CRTC1: variants seen among roughly 807,000 people sequenced by gnomAD.
CRTC1 encodes the protein CREB regulated transcription coactivator 1, also known as CREB-regulated transcription coactivator 1.
In CRTC1, 18 loss-of-function variants were observed where a neutral mutation model predicts 66.1. The ratio of observed to expected loss-of-function variants is 0.27; its 90% CI spans 0.19 to 0.40. The LOEUF (loss-of-function observed/expected upper bound fraction) is 0.40, where lower values mean the gene tolerates loss of function less well. CRTC1 is among the 10% of genes least tolerant of loss of function. The pLI is 1.00. For missense variants in CRTC1, 669 were observed against 887.9 expected (o/e 0.75, Z 3.13); for synonymous variants, 416 against 398.8 (o/e 1.04, Z -0.51).
In CRTC1 at chr19:18,760,207, G is replaced by A; in HGVS notation, c.865G>A (p.Gly289Ser). Reference sequence around the variant, plus strand: ...CCTCGCGGCCAACCTGACGCACCTGGGCATCGGTGGCGCCGGCCAGGGTAA... The same window carrying A: ...CCTCGCGGCCAACCTGACGCACCTGAGCATCGGTGGCGCCGGCCAGGGTAA... ...GNLAANLTHL[G>S]IGGAGQGMST... is the part of the protein sequence containing the mutation. The change falls in exon 8 of 14, where the codon GGC (glycine) becomes AGC (serine). Residue 289 changes from glycine to serine, a missense_variant. Around this residue, in one of 8 missense-constraint regions of CRTC1, gnomAD observed 241 missense variants for 242.2 expected, o/e 0.99. Transcript: ENST00000321949. This position sits in a 1 kb window ranked among gnomAD's most constrained non-coding sequence, Gnocchi z 6.2. 6.2e-7 allele frequency: 1 copy of A among 1,608,610 alleles called. No individual in the cohort carries two copies. Among genetic ancestry groups the A allele is most frequent in the Non-Finnish European group, 8.5e-7 (1 of 1,177,844 alleles).
intron 2 of CRTC1, among the ~76,000 whole-genome samples, chr19:18,745,330 C>A (rs2054206476): frequency 6.6e-6 from 1 of 152,206 alleles, no homozygotes; most frequent in South Asian, 2.1e-4. Context: ...CCCAGGAACT[C>A]GCGCTTGGCC....
rs1475823853 is a variant in CRTC1 at position 18,768,898 on chromosome 19, G to C, written c.1320+105G>C. 1.4e-6 allele frequency: 2 copies of C among 1,381,674 alleles called. No individual in the cohort carries two copies. Among genetic ancestry groups the C allele is most frequent in the Admixed American group, 2.8e-5 (1 of 35,382 alleles). 85.6% of individuals were successfully genotyped at this position (1,381,674 alleles called of 1,614,324 possible). A position where few individuals can be genotyped will look rare whatever the true frequency, so the allele number is the denominator to read the frequency against. On this transcript the variant is annotated intron_variant, in intron 10 of 13. Coordinates refer to ENST00000321949, the MANE Select transcript of CRTC1 (RefSeq NM_015321.3). This position sits in a 1 kb window ranked among gnomAD's most constrained non-coding sequence, Gnocchi z 5.6. ...TACCTGCTGCATGGGCCAGGGGTCA[G>C]AACCCCAGCGAACGCTGCCTGGGCC...
rs979832458 is a variant in CRTC1 at position 18,779,097 on chromosome 19, G to C, written c.*1715G>C. 4.3e-6 allele frequency: 1 copy of C among 232,776 alleles called. No homozygotes were observed. Among genetic ancestry groups the C allele is most frequent in the South Asian group, 1.8e-4 (1 of 5,538 alleles). The allele number at this position is 232,776 out of a possible 1,614,324, so 14.4% of individuals were successfully genotyped here. ...TGCTGTTCTTGGAATAGGAACTGCTGTTCTGATCCCCCCAAAACTGCATTG... is the reference window on the plus strand; with the variant it reads ...TGCTGTTCTTGGAATAGGAACTGCTCTTCTGATCCCCCCAAAACTGCATTG... On this transcript the variant is annotated 3_prime_UTR_variant, in exon 14 of 14. Transcript: ENST00000321949.
chr19:18,700,038 A>G lies in CRTC1; in HGVS notation c.126+16210A>G, dbSNP rs73923151. 1.8e-3 allele frequency among the ~76,000 whole-genome samples: 271 copies of G among 152,128 alleles called. 3 individuals are homozygous for G. Among genetic ancestry groups the G allele is most frequent in the African/African-American group, 6.2e-3 (257 of 41,500 alleles). Reference sequence around the variant, plus strand: ...TGGATCCTGAGCCTGATTCCCCAGGAGGGTTGGCGACGGGAGGGTTATGTT... The same window carrying G: ...TGGATCCTGAGCCTGATTCCCCAGGGGGGTTGGCGACGGGAGGGTTATGTT... On this transcript the variant is annotated intron_variant, in intron 1 of 13. Transcript: ENST00000321949.
At chr19:18,736,124 G>A (rs1170602165) in intron 1 of CRTC1, among the ~76,000 whole-genome samples, 1 of 152,208 alleles carries the variant, frequency 6.6e-6, no homozygotes. Context: ...ATGGGAGGAT[G>A]AAGGCTCTTG....
chr19:18,773,116 C>G (rs1019032271), intron 11 of CRTC1, among the ~76,000 whole-genome samples: 1 of 152,160 alleles, frequency 6.6e-6, no homozygotes, highest in East Asian at 1.9e-4. Context: ...GTCTGTGTGT[C>G]TGGTGTCCGT....
intron 3 of CRTC1, 77 bp downstream of exon 3, chr19:18,746,037 G>GT: frequency 6.6e-7 from 1 of 1,522,108 alleles, no homozygotes; most frequent in Non-Finnish European, 8.9e-7. Flanking sequence ...TACCCAGCAG[G>GT]TTCTGACAGG....
At chr19:18,730,274 G>C (rs2053855879) in intron 1 of CRTC1, among the ~76,000 whole-genome samples, 4 of 152,072 alleles carry the variant, frequency 2.6e-5, no homozygotes, top group Admixed American at 2.0e-4. Flanking sequence ...TCCTCACTCA[G>C]GGTCCCTCCT....
intron 1 of CRTC1, among the ~76,000 whole-genome samples, chr19:18,700,365 C>T (rs765800688): frequency 6.6e-6 from 1 of 152,174 alleles, no homozygotes; most frequent in Admixed American, 6.5e-5. Context: ...GGTATTTCAA[C>T]AGCCCAGAGA....
intron 4 of CRTC1, 83 bp from the exon 5 acceptor site, chr19:18,749,698 C>A: frequency 8.8e-7 from 1 of 1,136,432 alleles, no homozygotes; most frequent in Non-Finnish European, 1.3e-6. Flanking sequence ...CCCTGTCCAT[C>A]CAGCGTGTCC....
chr19:18,758,442 T>C (rs1555786430), intron 6 of CRTC1, among the ~76,000 whole-genome samples: 1 of 151,346 alleles, frequency 6.6e-6, no homozygotes, highest in Non-Finnish European at 1.5e-5. Context: ...TGGGCCACAG[T>C]CCAAGAGGAG....
intron 1 of CRTC1, among the ~76,000 whole-genome samples, chr19:18,705,501 G>A (rs1406363442): frequency 6.6e-6 from 1 of 152,062 alleles, no homozygotes; most frequent in Non-Finnish European, 1.5e-5. Flanking sequence ...TGTTTTTAAT[G>A]GAGATGGGGG....
intron 1 of CRTC1, among the ~76,000 whole-genome samples, chr19:18,734,644 C>T (rs2053959920): frequency 6.6e-6 from 1 of 152,192 alleles, no homozygotes; most frequent in African/African-American, 2.4e-5. Flanking sequence ...TGCCGCTGTA[C>T]TCCAGCCTGG....
intron 1 of CRTC1, among the ~76,000 whole-genome samples, chr19:18,742,611 A>ATTCAC (rs1372026922): frequency 2.0e-5 from 3 of 152,190 alleles, no homozygotes; most frequent in Non-Finnish European, 4.4e-5. Context: ...TCTCTTGCCC[A>ATTCAC]TTCACTGACT....
chr19:18,683,853 C>G (rs13344908), intron 1 of CRTC1, 25 bp downstream of exon 1: 24 of 1,161,550 alleles, frequency 2.1e-5, no homozygotes, highest in Non-Finnish European at 2.5e-5. Context: ...CGCGCCGACC[C>G]TTCAGGGCCG....
At position 18,693,743 on chromosome 19, in the gene CRTC1, G is replaced by A. The variant is rs560265083; in HGVS notation, c.126+9915G>A. ...GATCCACCCGCCTTGGCCTCCCAAA[G>A]TGCTGGGATTACAGGCGTGAGCCAC... On this transcript the variant is annotated intron_variant, in intron 1 of 13. Transcript: ENST00000321949. Among the ~76,000 whole-genome samples the A allele has an allele frequency of 2.0e-5, 3 of 151,096 alleles. No individual in the cohort carries two copies. In the South Asian group the frequency reaches 6.4e-4, roughly 32 times the overall value.
At chr19:18,716,664 G>A (rs2053515165) in intron 1 of CRTC1, among the ~76,000 whole-genome samples, 1 of 152,212 alleles carries the variant, frequency 6.6e-6, no homozygotes, top group African/African-American at 2.4e-5. Context: ...AGCGAGTAGA[G>A]CATGCTGTGT....
At chr19:18,759,434 CATG>C in intron 6 of CRTC1, 114 bp from the exon 7 acceptor site, 1 of 1,088,474 alleles carries the variant, frequency 9.2e-7, no homozygotes, top group East Asian at 2.6e-5. Context: ...GCTTGGTTCT[CATG>C]ATGCATCTCT....
chr19:18,711,440 C>T (rs1026146324), intron 1 of CRTC1, among the ~76,000 whole-genome samples: 5 of 152,148 alleles, frequency 3.3e-5, no homozygotes, highest in Non-Finnish European at 5.9e-5. Context: ...CCTGAGTTGT[C>T]GGCACTTCCA....
Sources: allele counts gnomAD v4.1 joint callset (sites outside exome capture counted in the v4.1 genomes callset), GRCh38; gene constraint gnomAD v4.1.1; regional missense constraint gnomAD v4.1.1; non-coding constraint Gnocchi (gnomAD v3.1); transcripts MANE v1.5; gene names NCBI Gene and HGNC (gene_info 2026-07-23, HGNC 2026-07-21).